The following SLC6A3 variants were observed in gnomAD, a reference collection of about 807,000 sequenced individuals.
SLC6A3 encodes solute carrier family 6 member 3, also known as sodium-dependent dopamine transporter.
A neutral mutation model predicts 70.4 loss-of-function variants in SLC6A3; 19 were observed. The ratio of observed to expected loss-of-function variants is 0.27; its 90% CI spans 0.19 to 0.40. The LOEUF (loss-of-function observed/expected upper bound fraction) is 0.40, where lower values mean the gene tolerates loss of function less well. SLC6A3 is among the 10% of genes least tolerant of loss of function. The pLI is 1.00. For missense variants in SLC6A3, 613 were observed against 838.5 expected (o/e 0.73, Z 3.32); for synonymous variants, 368 against 356.6 (o/e 1.03, Z -0.36).
chr5:1,409,202 A>G (rs536097059), intron 10 of SLC6A3, 77 bp from the exon 11 acceptor site: 206 of 1,087,032 alleles, frequency 1.9e-4, no homozygotes, highest in Admixed American at 4.0e-4. Context: ...TTCACTGTGC[A>G]CACAAATTGT....
intron 12 of SLC6A3, among the ~76,000 whole-genome samples, 200 bp from the exon 13 acceptor site, chr5:1,403,289 T>A (rs1052630908): frequency 4.6e-5 from 7 of 151,578 alleles, no homozygotes; most frequent in African/African-American, 1.7e-4. Flanking sequence ...TAGCCTGTCC[T>A]GTCCTATCCT....
rs532697910 is a variant in SLC6A3, at chr5:1,402,146, C to T, written c.1767+776G>A. ...TGGGGTTTTGATGCCCAGGGCCAAG[C>T]GACTTCTTTCTGAGAAAGGCTGGGA... On this transcript the variant is annotated intron_variant, in intron 13 of 14. Transcript: ENST00000270349. This position sits in a 1 kb window ranked among gnomAD's most constrained non-coding sequence, Gnocchi z 8.5. Among the ~76,000 whole-genome samples the T allele has an allele frequency of 1.5e-3, 235 of 152,120 alleles. 4 individuals are homozygous for T. Among genetic ancestry groups the T allele is most frequent in the African/African-American group, 5.0e-3 (207 of 41,516 alleles).
chr5:1,441,571 G>A (rs1290970794), intron 2 of SLC6A3, 81 bp from the exon 3 acceptor site: 19 of 1,525,194 alleles, frequency 1.2e-5, no homozygotes, highest in Middle Eastern at 3.5e-4. Context: ...GGCTACCCCA[G>A]TCAACCATCC....
chr5:1,411,142 C>T lies in SLC6A3; in HGVS notation c.1269+101G>A, dbSNP rs888244235. 9.7e-6 allele frequency: 8 copies of T among 824,680 alleles called. No individual in the cohort carries two copies. Among genetic ancestry groups the T allele is most frequent in the South Asian group, 2.9e-5 (2 of 69,868 alleles). 51.1% of individuals were successfully genotyped at this position (824,680 alleles called of 1,614,324 possible). On this transcript the variant is annotated intron_variant, in intron 9 of 14. Coordinates refer to ENST00000270349, the MANE Select transcript of SLC6A3 (RefSeq NM_001044.5). This position sits in a 1 kb window ranked among gnomAD's most constrained non-coding sequence, Gnocchi z 6.5. Reference sequence around the variant, plus strand: ...AAGGACAGGAGGTCTGGGGGCCGTACGTGAGCCCAGGGATCTTGCCTAGCC... The same window carrying T: ...AAGGACAGGAGGTCTGGGGGCCGTATGTGAGCCCAGGGATCTTGCCTAGCC...
intron 4 of SLC6A3, among the ~76,000 whole-genome samples, chr5:1,423,785 C>T (rs991200425): frequency 3.3e-5 from 5 of 152,206 alleles, no homozygotes; most frequent in African/African-American, 1.2e-4. Context: ...TGACTTGGGG[C>T]CAAGACAACT....
At position 1,414,675 on chromosome 5, in the gene SLC6A3, A is replaced by G. The variant is rs571858263; in HGVS notation, c.1156+16T>C. The G allele has an allele frequency of 4.3e-6, 7 of 1,611,802 alleles. No individual in the cohort carries two copies. Among genetic ancestry groups the G allele is most frequent in the East Asian group, 2.2e-5 (1 of 44,852 alleles). On this transcript the variant is annotated intron_variant, in intron 8 of 14. Coordinates refer to ENST00000270349, the MANE Select transcript of SLC6A3 (RefSeq NM_001044.5). ...TGCTACACGGAGCAGGCCCAGGTGC[A>G]GCAGGAGGGGCTCACCGTCCTTGGC...
chr5:1,399,464 G>T (rs769873068), intron 14 of SLC6A3, among the ~76,000 whole-genome samples: 1 of 152,168 alleles, frequency 6.6e-6, no homozygotes, highest in Non-Finnish European at 1.5e-5. Context: ...AGGAAGAAAT[G>T]ATAAATACAG....
intron 14 of SLC6A3, among the ~76,000 whole-genome samples, chr5:1,395,734 G>T (rs1002387586): frequency 2.6e-5 from 4 of 151,896 alleles, no homozygotes; most frequent in African/African-American, 9.7e-5. Context: ...GAGGCTCTGG[G>T]TGGCAGCCCC....
Position 1,394,882 on chromosome 5 carries a change from TG to T in SLC6A3, c.1840-125del, listed in dbSNP as rs1363192408. On this transcript the variant is annotated intron_variant, in intron 14 of 14. Transcript: ENST00000270349. The surrounding 1 kb of genome is among the most constrained non-coding windows in gnomAD (Gnocchi z 4.7). The stretch of plus-strand genomic sequence containing the variant: ...TTTGCAGCCTCCTGGCCATGTGCCC[TG>T]GGAGAAGGGGAGGCTCACTGGGGGC... 16 of 1,052,442 alleles carry T rather than the reference TG, an allele frequency of 1.5e-5. No individual in the cohort carries two copies. The Admixed American group carries it at 1.8e-4, about 12-fold the overall frequency. 65.2% of individuals were successfully genotyped at this position (1,052,442 alleles called of 1,614,324 possible).
Position 1,413,490 on chromosome 5 carries a change from C to T in SLC6A3, c.1156+1201G>A, listed in dbSNP as rs981233636. On this transcript the variant is annotated intron_variant, in intron 8 of 14. Transcript: ENST00000270349. The surrounding 1 kb of genome is among the most constrained non-coding windows in gnomAD (Gnocchi z 7.1). ...CCCCCGCTTGGTGCTTGTCGCTCCC[C>T]GCCTTCACTGAGCCTCAACACCCAG... Among the ~76,000 whole-genome samples the T allele has an allele frequency of 5.3e-5, 8 of 152,200 alleles. No homozygotes were observed. Among genetic ancestry groups the T allele is most frequent in the African/African-American group, 1.2e-4 (5 of 41,444 alleles).
intron 4 of SLC6A3, 45 bp from the exon 5 acceptor site, chr5:1,422,059 C>T (rs967901910): frequency 1.3e-6 from 2 of 1,596,000 alleles, no homozygotes; most frequent in Non-Finnish European, 1.7e-6. Context: ...GGCTGTCAAC[C>T]CACCTGGAAC....
chr5:1,412,848 C>A (rs139665543), intron 8 of SLC6A3, among the ~76,000 whole-genome samples: 2 of 152,168 alleles, frequency 1.3e-5, no homozygotes, highest in Admixed American at 6.5e-5. Flanking sequence ...AGCCAAGCAG[C>A]GGGGTCAGAC....
In SLC6A3 at chr5:1,416,194, A is replaced by G. The variant is rs1756287215; in HGVS notation, c.935T>C (p.Ile312Thr). 8 of 1,612,982 alleles carry G rather than the reference A, an allele frequency of 5.0e-6. No homozygotes were observed. The highest frequency in any genetic ancestry group is 1.6e-4 in the Middle Eastern group (1 of 6,084). The part of the protein sequence containing the change: ...FYRLCEASVW[I>T]DAATQVCFSL... The stretch of plus-strand genomic sequence containing the variant: ...GAAGCACACCTGGGTGGCCGCGTCA[A>G]TCCAAACCTGCAGAGCCAGAGGGCG... Residue 312 changes from isoleucine to threonine, a missense_variant, in exon 7 of 15, where the codon ATT becomes ACT. Physicochemically the swap from Ile to Thr is moderately conservative, Grantham distance 89. Coordinates refer to ENST00000270349, the MANE Select transcript of SLC6A3 (RefSeq NM_001044.5).
chr5:1,435,849 C>T (rs1406452369), intron 3 of SLC6A3, among the ~76,000 whole-genome samples: 1 of 141,394 alleles, frequency 7.1e-6, no homozygotes, highest in Non-Finnish European at 1.5e-5. Flanking sequence ...GAAATGGCTC[C>T]CTTGAACGGT....
At chr5:1,435,156 A>C (rs1756799146) in intron 3 of SLC6A3, among the ~76,000 whole-genome samples, 1 of 152,214 alleles carries the variant, frequency 6.6e-6, no homozygotes, top group African/African-American at 2.4e-5. Context: ...GATCTGGTCC[A>C]TATTAAATAA....
chr5:1,428,223 A>G (rs1429587404), intron 4 of SLC6A3, among the ~76,000 whole-genome samples: 3 of 152,238 alleles, frequency 2.0e-5, no homozygotes, highest in African/African-American at 7.2e-5. Flanking sequence ...TTCAAATTAA[A>G]CAACAAACTT....
intron 2 of SLC6A3, 108 bp from the exon 3 acceptor site, chr5:1,441,598 G>T: frequency 7.8e-7 from 1 of 1,282,602 alleles, no homozygotes; most frequent in South Asian, 1.4e-5. Context: ...TGGCCCGACC[G>T]TTTCACCCCA....
Position 1,437,681 on chromosome 5 carries a change from A to G in SLC6A3, c.418+3678T>C, listed in dbSNP as rs541802352. On this transcript the variant is annotated intron_variant, in intron 3 of 14. Transcript: ENST00000270349. This position sits in a 1 kb window ranked among gnomAD's most constrained non-coding sequence, Gnocchi z 4.8. ...CATGAACTCCGCCCTCTGGCTTTCA[A>G]GGGTGGATCTTGGCTCCCAGTTAGG... Among the ~76,000 whole-genome samples, 11 of 152,326 alleles carry G rather than the reference A, an allele frequency of 7.2e-5. No homozygotes were observed. Among genetic ancestry groups the G allele is most frequent in the African/African-American group, 2.4e-4 (10 of 41,576 alleles).
rs2975289 is a variant in SLC6A3, at chr5:1,421,617, C to T, written c.792+259G>A. Among the ~76,000 whole-genome samples, 3,048 of 152,148 alleles carry T rather than the reference C, an allele frequency of 0.02. 108 individuals carry two copies. Among genetic ancestry groups the T allele is most frequent in the African/African-American group, 0.07 (2,892 of 41,462 alleles). ...ACGTGTCCCCCCACCCACCCATGGC[C>T]GCGCGTCTACCCAAGCCAACCCGGC... On this transcript the variant is annotated intron_variant, in intron 5 of 14. Transcript: ENST00000270349. The surrounding 1 kb of genome is among the most constrained non-coding windows in gnomAD (Gnocchi z 7.2).
Sources: allele counts gnomAD v4.1 joint callset (sites outside exome capture counted in the v4.1 genomes callset), GRCh38; gene constraint gnomAD v4.1.1; non-coding constraint Gnocchi (gnomAD v3.1); transcripts MANE v1.5; gene names NCBI Gene and HGNC (gene_info 2026-07-23, HGNC 2026-07-21).